DMD: variants seen among roughly 807,000 people sequenced by gnomAD.
The protein encoded by DMD is mutant dystrophin.
Under a neutral mutation model 330.1 loss-of-function variants are expected in DMD, and 63 were observed. The observed-to-expected ratio is 0.19, with a 90% confidence interval of 0.16 to 0.24. The LOEUF (loss-of-function observed/expected upper bound fraction) is 0.24. DMD is among the 10% of genes least tolerant of loss of function. The probability of loss-of-function intolerance (pLI) is 1.00; values close to 1 mark genes in which losing one functional copy is unlikely to be tolerated. For synonymous variants in DMD, 1,223 were observed against 959.8 expected (o/e 1.27, Z -5.07); for missense variants, 3,344 against 2,684.1 (o/e 1.25, Z -5.43).
At chrX:31,169,291 AAG>A (rs1019371162) in intron 74 of DMD, 150 bp downstream of exon 74, 12 of 448,485 alleles carry the variant, frequency 2.7e-5, no homozygotes, top group African/African-American at 1.2e-4. Flanking sequence ...AAAAAAAAAA[AAG>A]AGAGAGAGAA....
intron 47 of DMD, among the ~76,000 whole-genome samples, chrX:31,904,548 C>G (rs930305378): frequency 5.7e-4 from 64 of 111,846 alleles, no homozygotes; most frequent in African/African-American, 2.0e-3. Flanking sequence ...TCTTTCCCCC[C>G]TCCCCCACTT....
chrX:32,874,951 A>T (rs1389546780), intron 2 of DMD, among the ~76,000 whole-genome samples: 1 of 111,989 alleles, frequency 8.9e-6, no homozygotes, highest in African/African-American at 3.2e-5. Flanking sequence ...CAGCACATCC[A>T]CTAGCTGAAT....
At chrX:31,982,507 G>A (rs1437750401) in intron 44 of DMD, among the ~76,000 whole-genome samples, 2 of 111,472 alleles carry the variant, frequency 1.8e-5, no homozygotes, top group African/African-American at 3.3e-5. Flanking sequence ...AATGTCGAAG[G>A]TGATTTTTGG....
rs1426475007 is a variant in DMD at position 31,121,262 on chromosome X, G to A, written c.*657C>T. The A allele has an allele frequency of 8.9e-6, 1 of 112,893 alleles. No homozygotes were observed. The highest frequency in any genetic ancestry group is 9.4e-5 in the Admixed American group (1 of 10,642). 9.3% of individuals were successfully genotyped at this position (112,893 alleles called of 1,213,427 possible). ...ATAGATATATGAAATGAAAACTCAA[G>A]CCTGCCCCACTCAGCTGACAGTTCT... On this transcript the variant is annotated 3_prime_UTR_variant, in exon 79 of 79. Transcript: ENST00000357033.
chrX:33,010,066 A>G lies in DMD; in HGVS notation c.93+10073T>C, dbSNP rs777197318. On this transcript the variant is annotated intron_variant, in intron 2 of 78. Transcript: ENST00000357033. The stretch of plus-strand genomic sequence containing the variant: ...CACATGTGTATATATACGTGTATAT[A>G]TACACAAATGTGCACATGTGTATAT... Among the ~76,000 whole-genome samples the G allele has an allele frequency of 8.2e-5, 5 of 60,917 alleles. 2 individuals carry two copies. Among genetic ancestry groups the G allele is most frequent in the Admixed American group, 3.4e-4 (2 of 5,840 alleles). The allele number at this position is 60,917 out of a possible 115,157, so 52.9% of individuals were successfully genotyped here.
At chrX:32,926,238 T>C (rs1175163077) in intron 2 of DMD, among the ~76,000 whole-genome samples, 2 of 112,031 alleles carry the variant, frequency 1.8e-5, no homozygotes, top group Admixed American at 9.4e-5. Context: ...TTATAGGTGG[T>C]ATCTAAAAAG....
intron 44 of DMD, among the ~76,000 whole-genome samples, chrX:32,106,525 TGAA>T (rs1232749772): frequency 1.8e-5 from 2 of 112,025 alleles, no homozygotes; most frequent in East Asian, 5.6e-4. Flanking sequence ...TTTCTTCATC[TGAA>T]GGAGAGGCTG....
intron 1 of DMD, among the ~76,000 whole-genome samples, chrX:33,094,876 A>G (rs1168506943): frequency 9.0e-6 from 1 of 110,771 alleles, no homozygotes; most frequent in Admixed American, 9.6e-5. Flanking sequence ...GGGCATTTTG[A>G]GGTAAGTAAG....
intron 45 of DMD, among the ~76,000 whole-genome samples, chrX:31,963,787 C>CA (rs1302736890): frequency 0.039 from 3,150 of 80,424 alleles, 49 homozygotes; most frequent in Non-Finnish European, 0.059. Flanking sequence ...GAGGAAAAAC[C>CA]TTTTTTTTTT....
At chrX:33,124,095 G>A (rs762737092) in intron 1 of DMD, among the ~76,000 whole-genome samples, 43 of 110,546 alleles carry the variant, frequency 3.9e-4, no homozygotes, top group Non-Finnish European at 7.8e-4. Context: ...GAACCCAGGA[G>A]GCGGAGGTTG....
At chrX:31,497,120 T>C (rs1404551087) in intron 56 of DMD, among the ~76,000 whole-genome samples, 176 bp from the exon 57 acceptor site, 2 of 112,640 alleles carry the variant, frequency 1.8e-5, no homozygotes, top group Non-Finnish European at 3.7e-5. Flanking sequence ...ATGGCAATTT[T>C]GAGAAAAGGC....
chrX:32,491,844 G>T (rs1489503073), intron 19 of DMD, among the ~76,000 whole-genome samples: 5 of 111,785 alleles, frequency 4.5e-5, no homozygotes, highest in Non-Finnish European at 9.4e-5. Context: ...CTGGAAGGCT[G>T]CATGAACAAG....
At chrX:32,476,943 A>G (rs2041300093) in intron 21 of DMD, among the ~76,000 whole-genome samples, 1 of 111,332 alleles carries the variant, frequency 9.0e-6, no homozygotes, top group African/African-American at 3.3e-5. Context: ...TAAGACAATA[A>G]ACATATCCAA....
At chrX:32,365,733 C>A (rs1354526614) in intron 34 of DMD, among the ~76,000 whole-genome samples, 1 of 111,767 alleles carries the variant, frequency 8.9e-6, no homozygotes, top group Non-Finnish European at 1.9e-5. Context: ...ATGTGCAACA[C>A]ATTTTTTAAA....
At chrX:32,641,056 G>A (rs978666798) in intron 11 of DMD, among the ~76,000 whole-genome samples, 7 of 110,946 alleles carry the variant, frequency 6.3e-5, no homozygotes, top group African/African-American at 1.6e-4. Context: ...TTCCTAATCC[G>A]TGAACCACAC....
chrX:32,470,074 T>C (rs751966429), intron 22 of DMD, among the ~76,000 whole-genome samples: 1 of 111,927 alleles, frequency 8.9e-6, no homozygotes, highest in Non-Finnish European at 1.9e-5. Flanking sequence ...TTGGTACTTA[T>C]ATCTTTTGTG....
chrX:31,179,113 A>G (rs1036689471), intron 69 of DMD, among the ~76,000 whole-genome samples: 2 of 112,737 alleles, frequency 1.8e-5, no homozygotes, highest in African/African-American at 6.4e-5. Context: ...ATGGTAGTTT[A>G]TAGGTCTTAA....
chrX:31,133,622 G>A (rs1328650098), intron 77 of DMD, among the ~76,000 whole-genome samples: 4 of 111,874 alleles, frequency 3.6e-5, no homozygotes, highest in Non-Finnish European at 5.6e-5. Context: ...TTAAATGATG[G>A]AGTAAGATAC....
At chrX:32,883,286 G>A (rs778837394) in intron 2 of DMD, among the ~76,000 whole-genome samples, 1 of 111,628 alleles carries the variant, frequency 9.0e-6, no homozygotes, top group Non-Finnish European at 1.9e-5. Flanking sequence ...GGCACTGAAC[G>A]GCAATTGTGT....
Sources: allele counts gnomAD v4.1 joint callset (sites outside exome capture counted in the v4.1 genomes callset), GRCh38; gene constraint gnomAD v4.1.1; transcripts MANE v1.5; gene names NCBI Gene and HGNC (gene_info 2026-07-23, HGNC 2026-07-21).